SPATA16: variants seen among roughly 807,000 people sequenced by gnomAD.
SPATA16 encodes spermatogenesis associated 16, also known as spermatogenesis-associated protein 16.
SPATA16 carries 36 observed loss-of-function variants against 63.3 expected under a neutral mutation model. The ratio of observed to expected loss-of-function variants is 0.57; its 90% CI spans 0.44 to 0.75. SPATA16 has a LOEUF of 0.75. SPATA16 is among the 30% of genes least tolerant of loss of function. The probability of loss-of-function intolerance (pLI) is 0.00; values close to 1 mark genes in which losing one functional copy is unlikely to be tolerated. For missense variants in SPATA16, 646 were observed against 679.3 expected (o/e 0.95, Z 0.54); for synonymous variants, 203 against 216.7 (o/e 0.94, Z 0.56).
At chr3:173,137,584 A>G (rs754056200) in intron 1 of SPATA16, among the ~76,000 whole-genome samples, 2 of 152,134 alleles carry the variant, frequency 1.3e-5, no homozygotes, top group Non-Finnish European at 2.9e-5. Context: ...AATGGTGTCA[A>G]TTTCAATGTA....
chr3:172,898,135 T>C (rs1732046543), intron 10 of SPATA16, among the ~76,000 whole-genome samples: 1 of 152,040 alleles, frequency 6.6e-6, no homozygotes. Context: ...TTTAAACATA[T>C]TGCTAAATTC....
chr3:172,899,130 G>A (rs1371119969), intron 10 of SPATA16, among the ~76,000 whole-genome samples: 3 of 151,938 alleles, frequency 2.0e-5, no homozygotes, highest in Admixed American at 6.5e-5. Flanking sequence ...GCACATAAAC[G>A]TTGATTAGAT....
chr3:173,005,339 A>G (rs1392629001), intron 4 of SPATA16, among the ~76,000 whole-genome samples: 2 of 151,488 alleles, frequency 1.3e-5, no homozygotes, highest in African/African-American at 4.8e-5. Flanking sequence ...AAAAAAAAAA[A>G]AAAAAAAAGA....
chr3:173,086,224 A>G (rs1047488175), intron 2 of SPATA16, among the ~76,000 whole-genome samples: 1 of 152,082 alleles, frequency 6.6e-6, no homozygotes, highest in African/African-American at 2.4e-5. Flanking sequence ...TTATTTGTCT[A>G]TTCAGGAATT....
intron 3 of SPATA16, among the ~76,000 whole-genome samples, chr3:173,023,547 A>G (rs895098413): frequency 7.2e-5 from 11 of 152,050 alleles, no homozygotes; most frequent in African/African-American, 2.4e-4. Flanking sequence ...CTACAAAAAG[A>G]TCATTTGGTG....
At chr3:173,088,010 CTTT>C (rs1737107085) in intron 2 of SPATA16, among the ~76,000 whole-genome samples, 3 of 27,882 alleles carry the variant, frequency 1.1e-4, no homozygotes, top group East Asian at 1.9e-3. Context: ...TTCTTTCCGT[CTTT>C]CTTTCTTTCT....
At chr3:172,923,886 T>C (rs894339221) in intron 8 of SPATA16, among the ~76,000 whole-genome samples, 4 of 152,212 alleles carry the variant, frequency 2.6e-5, no homozygotes, top group Non-Finnish European at 4.4e-5. Context: ...AACATTGTGC[T>C]TGCTAAAATT....
At chr3:173,090,057 TG>T (rs1450426847) in intron 2 of SPATA16, among the ~76,000 whole-genome samples, 2 of 152,076 alleles carry the variant, frequency 1.3e-5, no homozygotes, top group African/African-American at 4.8e-5. Flanking sequence ...CCAGAAAAAA[TG>T]TTGATATAGT....
intron 6 of SPATA16, among the ~76,000 whole-genome samples, chr3:172,955,846 A>T (rs1451624043): frequency 1.3e-5 from 2 of 152,178 alleles, no homozygotes; most frequent in Non-Finnish European, 2.9e-5. Flanking sequence ...CTCATTGATT[A>T]TGGGAATATC....
chr3:172,980,140 G>A (rs1248605889), intron 4 of SPATA16, among the ~76,000 whole-genome samples: 1 of 152,162 alleles, frequency 6.6e-6, no homozygotes, highest in African/African-American at 2.4e-5. Flanking sequence ...AAAGTGCATG[G>A]AAATAACATT....
intron 2 of SPATA16, among the ~76,000 whole-genome samples, chr3:173,055,921 A>G (rs1052772848): frequency 6.6e-6 from 1 of 152,244 alleles, no homozygotes; most frequent in African/African-American, 2.4e-5. Context: ...ATTAAAAATA[A>G]TAATGTTAAA....
At chr3:173,069,038 A>T (rs947634542) in intron 2 of SPATA16, among the ~76,000 whole-genome samples, 6 of 149,032 alleles carry the variant, frequency 4.0e-5, no homozygotes, top group African/African-American at 1.0e-4. Context: ...TGAACCCGGG[A>T]GGCGGAGCTT....
intron 2 of SPATA16, among the ~76,000 whole-genome samples, chr3:173,111,490 T>C (rs1401027367): frequency 6.6e-6 from 1 of 152,130 alleles, no homozygotes; most frequent in African/African-American, 2.4e-5. Context: ...CATATGCAAA[T>C]CCACAGATTG....
At chr3:173,054,098 A>T (rs1486703227) in intron 2 of SPATA16, among the ~76,000 whole-genome samples, 1 of 151,956 alleles carries the variant, frequency 6.6e-6, no homozygotes, top group East Asian at 1.9e-4. Context: ...TTATATTATT[A>T]CATGTTACAA....
At chr3:173,126,248 A>G (rs1450072643) in intron 1 of SPATA16, among the ~76,000 whole-genome samples, 1 of 152,232 alleles carries the variant, frequency 6.6e-6, no homozygotes, top group Non-Finnish European at 1.5e-5. Flanking sequence ...ACAACTTGCT[A>G]TCCTTATAAG....
chr3:172,975,775 A>G (rs1025073877), intron 5 of SPATA16, among the ~76,000 whole-genome samples: 1 of 152,026 alleles, frequency 6.6e-6, no homozygotes, highest in East Asian at 1.9e-4. Context: ...TTTTTTTTTA[A>G]TAGAAGGTAA....
At chr3:173,075,211 A>C (rs1439284484) in intron 2 of SPATA16, among the ~76,000 whole-genome samples, 1 of 151,910 alleles carries the variant, frequency 6.6e-6, no homozygotes, top group Non-Finnish European at 1.5e-5. Flanking sequence ...AAAATGTAGA[A>C]GAGGAAATTT....
intron 2 of SPATA16, among the ~76,000 whole-genome samples, chr3:173,078,348 C>T (rs770682965): frequency 9.2e-5 from 14 of 152,168 alleles, no homozygotes; most frequent in Middle Eastern, 3.4e-3. Context: ...TTCTACATCT[C>T]TCTATAGGAA....
chr3:173,001,280 T>C (rs202213499), intron 4 of SPATA16, among the ~76,000 whole-genome samples: 2 of 77,496 alleles, frequency 2.6e-5, no homozygotes, highest in East Asian at 1.1e-3. Flanking sequence ...TTTTTTTTTT[T>C]TGTTTTCACC....
Sources: gnomAD v4.1 joint callset for allele counts (sites outside exome capture counted in the v4.1 genomes callset) on GRCh38, gnomAD v4.1.1 for gene constraint, MANE v1.5 for transcripts, NCBI Gene and HGNC (gene_info 2026-07-23, HGNC 2026-07-21) for gene names.